Variants in FAM240B observed in about 807,000 individuals in gnomAD.
FAM240B encodes family with sequence similarity 240 member B.
At chr9:38,709,519 A>G (rs1821227643) in intron 1 of FAM240B, among the ~76,000 whole-genome samples, 1 of 152,200 alleles carries the variant, frequency 6.6e-6, no homozygotes, top group Non-Finnish European at 1.5e-5. Context: ...CCAGGCAGAG[A>G]CAATCATTAG....
At chr9:38,716,110 G>A (rs1821300691) in intron 1 of FAM240B, among the ~76,000 whole-genome samples, 1 of 152,134 alleles carries the variant, frequency 6.6e-6, no homozygotes, top group Admixed American at 6.6e-5. Flanking sequence ...TTTCTCTTGG[G>A]CTTTGACCCC....
At chr9:38,701,387 T>G (rs1179061697) in intron 2 of FAM240B, among the ~76,000 whole-genome samples, 4 of 152,238 alleles carry the variant, frequency 2.6e-5, no homozygotes, top group Non-Finnish European at 5.9e-5. Context: ...AATTTAAAAA[T>G]TCTAGATTTT....
chr9:38,698,033 G>A lies in FAM240B; in HGVS notation c.144-3164C>T, dbSNP rs375548606. Reference sequence around the variant, plus strand: ...GTGTATTTTATTTACATATGGCTATGGCTGCTTTCACACTACAGTGGCACA... The same window carrying A: ...GTGTATTTTATTTACATATGGCTATAGCTGCTTTCACACTACAGTGGCACA... On this transcript the variant is annotated intron_variant, in intron 2 of 2. Transcript: ENST00000637493. 1.0e-3 allele frequency among the ~76,000 whole-genome samples: 158 copies of A among 152,302 alleles called. 1 individual carries two copies. The highest frequency in any genetic ancestry group is 3.6e-3 in the African/African-American group (149 of 41,564).
chr9:38,704,114 T>G, intron 1 of FAM240B, 112 bp from the exon 2 acceptor site: 1 of 396,176 alleles, frequency 2.5e-6, no homozygotes, highest in South Asian at 1.4e-4. Context: ...CTTGTTTTTT[T>G]TTTTTTTTTT....
chr9:38,696,707 G>A (rs185971384), intron 2 of FAM240B, among the ~76,000 whole-genome samples: 17 of 152,164 alleles, frequency 1.1e-4, no homozygotes, highest in East Asian at 7.7e-4. Context: ...CCAGCTACCC[G>A]GGAGGCTGAG....
At chr9:38,707,287 G>A (rs182880640) in intron 1 of FAM240B, among the ~76,000 whole-genome samples, 13 of 152,184 alleles carry the variant, frequency 8.5e-5, no homozygotes, top group Non-Finnish European at 1.5e-4. Flanking sequence ...AGAGAGGCCC[G>A]TGCAGGAACA....
intron 2 of FAM240B, among the ~76,000 whole-genome samples, chr9:38,697,347 C>T (rs1821080424): frequency 6.6e-6 from 1 of 152,194 alleles, no homozygotes; most frequent in Non-Finnish European, 1.5e-5. Flanking sequence ...CAGCAAACTG[C>T]AGAACTTCTT....
intron 1 of FAM240B, among the ~76,000 whole-genome samples, chr9:38,717,961 C>A (rs113297642): frequency 3.1e-3 from 474 of 152,314 alleles, no homozygotes; most frequent in Middle Eastern, 6.8e-3. Context: ...AAGACACCCA[C>A]TGTTAATGAT....
intron 2 of FAM240B, among the ~76,000 whole-genome samples, chr9:38,696,809 G>A (rs528352211): frequency 3.9e-5 from 6 of 152,206 alleles, no homozygotes; most frequent in South Asian, 2.1e-4. Flanking sequence ...CGGAGACACC[G>A]TCTCAAAAAT....
At chr9:38,708,527 G>A (rs1008495505) in intron 1 of FAM240B, among the ~76,000 whole-genome samples, 4 of 152,210 alleles carry the variant, frequency 2.6e-5, no homozygotes, top group Non-Finnish European at 4.4e-5. Flanking sequence ...CTGACAACCA[G>A]GATGGAGAGA....
At chr9:38,700,717 G>A (rs2119000743) in intron 2 of FAM240B, among the ~76,000 whole-genome samples, 1 of 152,258 alleles carries the variant, frequency 6.6e-6, no homozygotes, top group Admixed American at 6.5e-5. Flanking sequence ...ACTTCTTTGG[G>A]GGACTAACCC....
At chr9:38,704,972 T>A (rs1014177416) in intron 1 of FAM240B, among the ~76,000 whole-genome samples, 46 of 152,210 alleles carry the variant, frequency 3.0e-4, no homozygotes, top group African/African-American at 1.1e-3. Flanking sequence ...AATGGGTATG[T>A]CCGGGGCAAG....
intron 2 of FAM240B, among the ~76,000 whole-genome samples, chr9:38,701,454 C>A (rs1218144932): frequency 6.6e-6 from 1 of 152,068 alleles, no homozygotes; most frequent in East Asian, 1.9e-4. Flanking sequence ...TTTTGTTCAG[C>A]AAAAATAACA....
At chr9:38,711,833 T>C (rs1167317516) in intron 1 of FAM240B, among the ~76,000 whole-genome samples, 1 of 151,980 alleles carries the variant, frequency 6.6e-6, no homozygotes, top group Non-Finnish European at 1.5e-5. Flanking sequence ...ATTTTTTTTG[T>C]TTTTAGTAGA....
chr9:38,705,773 G>C (rs1821184769), intron 1 of FAM240B, among the ~76,000 whole-genome samples: 1 of 152,190 alleles, frequency 6.6e-6, no homozygotes, highest in African/African-American at 2.4e-5. Flanking sequence ...AGTGTCCTGA[G>C]GTAAGAAGAA....
intron 1 of FAM240B, among the ~76,000 whole-genome samples, chr9:38,717,612 C>G (rs1017839297): frequency 6.6e-6 from 1 of 152,076 alleles, no homozygotes; most frequent in East Asian, 1.9e-4. Flanking sequence ...TCCTGAGTAG[C>G]TGGGACTACA....
At chr9:38,704,676 A>T (rs1417479210) in intron 1 of FAM240B, among the ~76,000 whole-genome samples, 2 of 152,196 alleles carry the variant, frequency 1.3e-5, no homozygotes, top group Non-Finnish European at 2.9e-5. Flanking sequence ...ACACCCAGTA[A>T]ACAGTGCGCT....
intron 1 of FAM240B, among the ~76,000 whole-genome samples, chr9:38,717,111 C>T (rs1371888704): frequency 6.6e-6 from 1 of 152,144 alleles, no homozygotes; most frequent in Non-Finnish European, 1.5e-5. Flanking sequence ...TGGAGGGAAG[C>T]GCCCAGGGAA....
In FAM240B at chr9:38,698,618, A is replaced by G. The variant is rs1297696320; in HGVS notation, c.144-3749T>C. On this transcript the variant is annotated intron_variant, in intron 2 of 2. Transcript: ENST00000637493. ...CCAGTTTCCTTCCAATTTTTCATTC[A>G]CAGGTGCTTCCTCCAAAAAATCTCA... 2.0e-5 allele frequency among the ~76,000 whole-genome samples: 3 copies of G among 152,300 alleles called. No homozygotes were observed. The East Asian group carries it at 5.8e-4, about 29-fold the overall frequency.
Sources: gnomAD v4.1 joint callset for allele counts (sites outside exome capture counted in the v4.1 genomes callset) on GRCh38, gnomAD v4.1.1 for gene constraint, MANE v1.5 for transcripts, NCBI Gene and HGNC (gene_info 2026-07-23, HGNC 2026-07-21) for gene names.